Variants in FAM120B observed in about 807,000 individuals in gnomAD.
The protein encoded by FAM120B is constitutive coactivator of peroxisome proliferator-activated receptor gamma.
In FAM120B, 83 loss-of-function variants were observed where a neutral mutation model predicts 96.3. That is an observed-to-expected ratio of 0.86 (90% CI 0.72 to 1.03). The LOEUF (loss-of-function observed/expected upper bound fraction) is 1.03. FAM120B is among the 50% of genes least tolerant of loss of function. The pLI is 0.00. For synonymous variants in FAM120B, 407 were observed against 402.7 expected, an observed-to-expected ratio of 1.01 and a Z score of -0.13; for missense variants, 1,027 against 1,121.2, an observed-to-expected ratio of 0.92 and a Z score of 1.20.
upstream of FAM120B, chr6:170,291,000 GC>G: frequency 1.4e-6 from 1 of 701,870 alleles, no homozygotes; most frequent in Non-Finnish European, 2.6e-6. The surrounding 1 kb of genome is among the most constrained non-coding windows in gnomAD (Gnocchi z 4.7). Flanking sequence ...CAAATCAGCA[GC>G]CCCCCAATCT....
At chr6:170,310,152 C>T (rs541765384) in intron 1 of FAM120B, among the ~76,000 whole-genome samples, 1 of 152,250 alleles carries the variant, frequency 6.6e-6, no homozygotes, top group South Asian at 2.1e-4. Flanking sequence ...GAAAGGTAGT[C>T]CGTAGATGAT....
At chr6:170,293,341 T>C (rs17860704), upstream of FAM120B, among the ~76,000 whole-genome samples, 11,264 of 152,054 alleles carry the variant, frequency 0.074, 1,363 homozygotes, top group East Asian at 0.58. Context: ...AAAATGGAAG[T>C]GGAAAACAGG....
intron 6 of FAM120B, among the ~76,000 whole-genome samples, chr6:170,379,243 A>G (rs1400645624): frequency 6.6e-6 from 1 of 152,252 alleles, no homozygotes; most frequent in African/African-American, 2.4e-5. Context: ...CCTTTATGAT[A>G]TAGTCAATAA....
intron 3 of FAM120B, among the ~76,000 whole-genome samples, chr6:170,325,551 A>T (rs1785536733): frequency 6.6e-6 from 1 of 151,786 alleles, no homozygotes; most frequent in Non-Finnish European, 1.5e-5. Context: ...AAAAAAAAAA[A>T]AGTAGTTGGC....
chr6:170,400,359 A>G (rs1048750825), intron 9 of FAM120B, among the ~76,000 whole-genome samples: 1 of 152,144 alleles, frequency 6.6e-6, no homozygotes, highest in South Asian at 2.1e-4. Flanking sequence ...TCCTGCCCTG[A>G]TCTCAGAAGG....
At chr6:170,386,113 A>G (rs1041635295) in intron 6 of FAM120B, among the ~76,000 whole-genome samples, 2 of 152,056 alleles carry the variant, frequency 1.3e-5, no homozygotes, top group Non-Finnish European at 2.9e-5. Flanking sequence ...CCTCGTGTCA[A>G]CTGTGGACTT....
intron 5 of FAM120B, among the ~76,000 whole-genome samples, chr6:170,348,681 T>G (rs1235088148): frequency 6.6e-6 from 1 of 152,276 alleles, no homozygotes; most frequent in Non-Finnish European, 1.5e-5. Flanking sequence ...TGGGTTTTAG[T>G]GTAAAGGTGA....
At chr6:170,356,472 G>A (rs1466329169) in intron 5 of FAM120B, among the ~76,000 whole-genome samples, 4 of 152,124 alleles carry the variant, frequency 2.6e-5, no homozygotes, top group African/African-American at 9.7e-5. Flanking sequence ...GTTTTGATGT[G>A]TAATATGGGA....
At chr6:170,300,424 C>G (rs1195756733) in intron 1 of FAM120B, among the ~76,000 whole-genome samples, 1 of 152,176 alleles carries the variant, frequency 6.6e-6, no homozygotes, top group African/African-American at 2.4e-5. Flanking sequence ...ATGGGAACTA[C>G]AGTTCAAGAT....
intron 4 of FAM120B, among the ~76,000 whole-genome samples, chr6:170,337,203 C>A (rs1786492952): frequency 6.6e-6 from 1 of 152,070 alleles, no homozygotes; most frequent in Admixed American, 6.6e-5. Flanking sequence ...TTTGAGATAT[C>A]TTCCGTCAAT....
At chr6:170,404,427 T>G in intron 9 of FAM120B, 123 bp from the exon 10 acceptor site, 1 of 790,400 alleles carries the variant, frequency 1.3e-6, no homozygotes, top group South Asian at 1.6e-5. Flanking sequence ...GTAAAGAGGA[T>G]AAAGCTGTGT....
intron 4 of FAM120B, among the ~76,000 whole-genome samples, chr6:170,333,849 ATTTC>A (rs573999691): frequency 2.8e-3 from 432 of 152,178 alleles, no homozygotes; most frequent in African/African-American, 9.8e-3. Flanking sequence ...ACTACATTTC[ATTTC>A]TTTTACAATA....
At chr6:170,354,042 C>T (rs770597834) in intron 5 of FAM120B, among the ~76,000 whole-genome samples, 6 of 152,198 alleles carry the variant, frequency 3.9e-5, no homozygotes, top group Admixed American at 6.5e-5. Context: ...CTACCATAAC[C>T]AAAACAGCAT....
intron 4 of FAM120B, among the ~76,000 whole-genome samples, chr6:170,338,793 G>T (rs905729275): frequency 4.1e-5 from 6 of 144,678 alleles, no homozygotes; most frequent in Non-Finnish European, 4.5e-5. Context: ...TGTCTTTTTT[G>T]ATCTTTGTTG....
chr6:170,404,594 A>G lies in FAM120B; in HGVS notation c.*4A>G, dbSNP rs9295407. 14 of 1,612,192 alleles carry G rather than the reference A, an allele frequency of 8.7e-6. No individual in the cohort carries two copies. Among genetic ancestry groups the G allele is most frequent in the Non-Finnish European group, 1.1e-5 (13 of 1,178,550 alleles). Reference sequence around the variant, plus strand: ...TGACCAGTGGAGAAGGTACTAGTCAACCTCCAGGTAAGTTCATCACCTGCA... The same window carrying G: ...TGACCAGTGGAGAAGGTACTAGTCAGCCTCCAGGTAAGTTCATCACCTGCA... On this transcript the variant is annotated 3_prime_UTR_variant, in exon 10 of 11. Transcript: ENST00000476287.
chr6:170,307,448 G>A (rs1419475346), intron 1 of FAM120B, among the ~76,000 whole-genome samples: 1 of 152,206 alleles, frequency 6.6e-6, no homozygotes, highest in Admixed American at 6.5e-5. Flanking sequence ...AGGGTCCCTC[G>A]AGGGTGATTT....
At chr6:170,327,773 G>A (rs71536931) in intron 3 of FAM120B, among the ~76,000 whole-genome samples, 2 of 148,770 alleles carry the variant, frequency 1.3e-5, no homozygotes, top group Non-Finnish European at 3.0e-5. Flanking sequence ...CAGTGGGAAG[G>A]CCAGGACACG....
At chr6:170,297,838 AC>A (rs1784052237) in intron 1 of FAM120B, 1 of 152,088 alleles carries the variant, frequency 6.6e-6, no homozygotes, top group African/African-American at 2.4e-5. Context: ...CAGCACACCC[AC>A]CCCTTCTGTG....
At chr6:170,319,773 A>G (rs898039240) in intron 2 of FAM120B, among the ~76,000 whole-genome samples, 1 of 152,238 alleles carries the variant, frequency 6.6e-6, no homozygotes, top group Non-Finnish European at 1.5e-5. Flanking sequence ...GGAGTTGTGG[A>G]AGTACTAAAG....
Sources: allele counts gnomAD v4.1 joint callset (sites outside exome capture counted in the v4.1 genomes callset), GRCh38; gene constraint gnomAD v4.1.1; non-coding constraint Gnocchi (gnomAD v3.1); transcripts MANE v1.5; gene names NCBI Gene and HGNC (gene_info 2026-07-23, HGNC 2026-07-21).